The following VIPR1 variants were observed in gnomAD, a reference collection of about 807,000 sequenced individuals.
The protein encoded by VIPR1 is vasoactive intestinal polypeptide receptor 1.
VIPR1 carries 59 observed loss-of-function variants against 58.8 expected under a neutral mutation model. The observed-to-expected ratio is 1.00, with a 90% CI of 0.81 to 1.25. The LOEUF (loss-of-function observed/expected upper bound fraction) is 1.25. Among genes scored for constraint, VIPR1 ranks in the 50% most tolerant of loss-of-function variants. The pLI, the probability that VIPR1 is intolerant of heterozygous loss-of-function variation, is 0.00. For synonymous variants in VIPR1, 251 were observed against 242.1 expected (o/e 1.04, Z -0.34); for missense variants, 626 against 602.7 (o/e 1.04, Z -0.40).
intron 1 of VIPR1, among the ~76,000 whole-genome samples, chr3:42,494,268 T>C (rs562269217): frequency 6.6e-6 from 1 of 152,374 alleles, no homozygotes; most frequent in South Asian, 2.1e-4. Context: ...TCCATGAAAT[T>C]ATAAAATGGA....
chr3:42,526,406 G>C (rs774241361), intron 4 of VIPR1, among the ~76,000 whole-genome samples: 22 of 152,228 alleles, frequency 1.4e-4, no homozygotes, highest in Non-Finnish European at 3.2e-4. Flanking sequence ...AACAGGGACA[G>C]AGCCTGTCAT....
intron 4 of VIPR1, 139 bp downstream of exon 4, chr3:42,526,132 C>A: frequency 1.2e-6 from 1 of 805,774 alleles, no homozygotes; most frequent in Non-Finnish European, 1.9e-6. Context: ...TAGCCTCCTC[C>A]AGGCCTGCCT....
intron 10 of VIPR1, chr3:42,532,897 C>T (rs534767702): frequency 4.4e-5 from 7 of 160,392 alleles, no homozygotes; most frequent in African/African-American, 1.4e-4. Context: ...AAATGACATA[C>T]ACTCCCTTCT....
At chr3:42,510,176 A>G (rs530229400) in intron 1 of VIPR1, among the ~76,000 whole-genome samples, 3 of 152,166 alleles carry the variant, frequency 2.0e-5, no homozygotes, top group Non-Finnish European at 4.4e-5. Flanking sequence ...TGTATTAGGC[A>G]TTTTCATGCC....
chr3:42,492,372 AC>A, intron 1 of VIPR1: 1 of 152,360 alleles, frequency 6.6e-6, no homozygotes, highest in Non-Finnish European at 1.5e-5. Context: ...GGTCACCACC[AC>A]CCCCAGCTTC....
chr3:42,534,684 T>C (rs1389571266), intron 10 of VIPR1: 3 of 253,888 alleles, frequency 1.2e-5, no homozygotes, highest in Non-Finnish European at 2.3e-5. Context: ...CTCACTGGCC[T>C]CTCCTTTACC....
chr3:42,522,095 ATATATATTTTTTT>A (rs1700958619), intron 3 of VIPR1, among the ~76,000 whole-genome samples: 2 of 45,716 alleles, frequency 4.4e-5, no homozygotes, highest in East Asian at 1.4e-3. Context: ...ATATATATAT[ATATATATTTTTTT>A]TTTTTTTTTT....
At chr3:42,507,805 C>T (rs1700182711) in intron 1 of VIPR1, 1 of 152,152 alleles carries the variant, frequency 6.6e-6, no homozygotes, top group East Asian at 1.9e-4. Flanking sequence ...TGATATCACT[C>T]TGAGATGTGG....
At chr3:42,519,056 GC>G (rs1700776676) in intron 2 of VIPR1, among the ~76,000 whole-genome samples, 166 bp from the exon 3 acceptor site, 1 of 152,248 alleles carries the variant, frequency 6.6e-6, no homozygotes, top group African/African-American at 2.4e-5. Flanking sequence ...TGTCAGGACA[GC>G]CCCGTGCAAC....
At chr3:42,526,979 G>A (rs895367567) in intron 4 of VIPR1, among the ~76,000 whole-genome samples, 1 of 152,118 alleles carries the variant, frequency 6.6e-6, no homozygotes, top group Non-Finnish European at 1.5e-5. Context: ...TCCCTATACA[G>A]AGACAGGGCC....
rs1178810402 is a variant in VIPR1, at chr3:42,535,403, T to C, written c.1182+19T>C. On this transcript the variant is annotated intron_variant, in intron 12 of 12. Transcript: ENST00000325123. ...TGGTGAGGTAAGCCCCTCCCAGTCC[T>C]TGGGGCTTAGGCAATGGAACTCCCA... 1.9e-6 allele frequency: 3 copies of C among 1,613,108 alleles called. No homozygotes were observed. Among genetic ancestry groups the C allele is most frequent in the Non-Finnish European group, 2.5e-6 (3 of 1,179,108 alleles).
In VIPR1 at chr3:42,524,914, T is replaced by C. The variant is rs146249998; in HGVS notation, c.293-973T>C. On this transcript the variant is annotated intron_variant, in intron 3 of 12. Transcript: ENST00000325123. ...TGGAGTTAACTTCCTCACTGGATGA[T>C]TGAGGAAATTAAACAGGATGTGCCT... Among the ~76,000 whole-genome samples, 54 of 152,218 alleles carry C rather than the reference T, an allele frequency of 3.5e-4. No homozygotes were observed. In the East Asian group the frequency reaches 9.5e-3, roughly 27 times the overall value.
chr3:42,534,877 C>A, intron 10 of VIPR1, 98 bp from the exon 11 acceptor site: 3 of 1,480,056 alleles, frequency 2.0e-6, no homozygotes, highest in Non-Finnish European at 2.8e-6. Flanking sequence ...TGGTCATTGT[C>A]CCCATCTTCT....
At chr3:42,522,713 G>A (rs1023722918) in intron 3 of VIPR1, among the ~76,000 whole-genome samples, 5 of 152,142 alleles carry the variant, frequency 3.3e-5, no homozygotes, top group Admixed American at 3.3e-4. Context: ...AGGAAAGCAG[G>A]GGGCTCCTAC....
rs183900883 is a variant in VIPR1, at chr3:42,518,703, G to A, written c.185-520G>A. Among the ~76,000 whole-genome samples the A allele has an allele frequency of 3.7e-3, 571 of 152,338 alleles. 2 individuals carry two copies. Among genetic ancestry groups the A allele is most frequent in the African/African-American group, 0.013 (535 of 41,582 alleles). On this transcript the variant is annotated intron_variant, in intron 2 of 12. Coordinates refer to ENST00000325123, the MANE Select transcript of VIPR1 (RefSeq NM_004624.4). ...GCCAAGGTTGCACCACTGCACTCTA[G>A]CCTGGGTGACAGAGTGAGACTCCAT...
At chr3:42,517,159 T>C (rs1218027294) in intron 2 of VIPR1, among the ~76,000 whole-genome samples, 1 of 152,210 alleles carries the variant, frequency 6.6e-6, no homozygotes, top group Non-Finnish European at 1.5e-5. Context: ...CAGCTATAGA[T>C]GTGGCCTGAC....
chr3:42,532,414 C>T (rs1701619507), intron 10 of VIPR1, 81 bp downstream of exon 10: 18 of 1,397,034 alleles, frequency 1.3e-5, no homozygotes, highest in Non-Finnish European at 1.7e-5. Context: ...TGAAGTCCTC[C>T]CACCCCAAAC....
chr3:42,520,477 C>T (rs1290637458), intron 3 of VIPR1, among the ~76,000 whole-genome samples: 2 of 151,954 alleles, frequency 1.3e-5, no homozygotes, highest in Non-Finnish European at 2.9e-5. Context: ...GGCTTGAATT[C>T]AGGTAGTGAG....
chr3:42,525,841 A>C, intron 3 of VIPR1, 46 bp from the exon 4 acceptor site: 1 of 1,537,520 alleles, frequency 6.5e-7, no homozygotes, highest in Non-Finnish European at 8.8e-7. Flanking sequence ...CCAGGTCCCC[A>C]TGCTCCCGGC....
Sources: allele counts gnomAD v4.1 joint callset (sites outside exome capture counted in the v4.1 genomes callset), GRCh38; gene constraint gnomAD v4.1.1; transcripts MANE v1.5; gene names NCBI Gene and HGNC (gene_info 2026-07-23, HGNC 2026-07-21).